The following SMAD5 variants were observed in gnomAD, a reference collection of about 807,000 sequenced individuals.
The protein encoded by SMAD5 is MAD, mothers against decapentaplegic homolog 5.
A neutral mutation model predicts 43.1 loss-of-function variants in SMAD5; 9 were observed. That is an observed-to-expected ratio of 0.21 (90% CI 0.13 to 0.36). The LOEUF (loss-of-function observed/expected upper bound fraction) is 0.36. Ranked by LOEUF, SMAD5 falls within the 10% of genes least tolerant of loss-of-function variation. The pLI is 1.00. For missense variants in SMAD5, 348 were observed against 574.0 expected (o/e 0.61, Z 4.02); for synonymous variants, 190 against 192.4 (o/e 0.99, Z 0.10).
intron 1 of SMAD5, among the ~76,000 whole-genome samples, chr5:136,146,819 T>TA (rs1177108591): frequency 1.3e-5 from 2 of 151,772 alleles, no homozygotes; most frequent in African/African-American, 4.8e-5. Context: ...TTTAGAAACC[T>TA]AGCTGTTAAA....
Position 136,160,902 on chromosome 5 carries a change from A to G in SMAD5, c.450A>G (p.Gln150=). Residue 150 remains glutamine, a synonymous_variant, in exon 4 of 8, where the codon CAA becomes CAG. Transcript: ENST00000545279. ...CTCGTCATAATGAATTCAATCCACA[A>G]CACAGCCTTCTGGTTCAGTTTAGGA... is the stretch of plus-strand genomic sequence containing the variant. The part of the protein sequence containing the change: ...LVPRHNEFNP[Q]HSLLVQFRNL... The G allele has an allele frequency of 6.2e-7, 1 of 1,613,940 alleles. No individual in the cohort carries two copies. Among genetic ancestry groups the G allele is most frequent in the Non-Finnish European group, 8.5e-7 (1 of 1,179,854 alleles).
At chr5:136,176,147 A>G (rs2149782405) in intron 7 of SMAD5, among the ~76,000 whole-genome samples, 1 of 151,704 alleles carries the variant, frequency 6.6e-6, no homozygotes, top group South Asian at 2.1e-4. Flanking sequence ...AAAATAAAAA[A>G]TTTTTCGTTA....
intron 3 of SMAD5, among the ~76,000 whole-genome samples, chr5:136,157,556 C>T (rs1753681128): frequency 6.6e-6 from 1 of 152,176 alleles, no homozygotes; most frequent in Admixed American, 6.5e-5. Flanking sequence ...TAGGTTGTCT[C>T]ATCCAGGCAT....
intron 7 of SMAD5, among the ~76,000 whole-genome samples, chr5:136,176,630 C>G (rs955725308): frequency 2.0e-5 from 3 of 152,004 alleles, no homozygotes; most frequent in Non-Finnish European, 2.9e-5. Context: ...TTATCTTTAA[C>G]ATACCCCAAT....
chr5:136,147,534 T>TA (rs1166633572), intron 1 of SMAD5: 19 of 151,874 alleles, frequency 1.3e-4, no homozygotes, highest in Admixed American at 1.2e-3. Flanking sequence ...TGGTTTGGAA[T>TA]ATGGATTCTG....
At position 136,174,407 on chromosome 5, in the gene SMAD5, G is replaced by C; in HGVS notation, c.1029G>C (p.Val343=). 4 of 1,613,808 alleles carry C rather than the reference G, an allele frequency of 2.5e-6. No homozygotes were observed. Among genetic ancestry groups the C allele is most frequent in the Non-Finnish European group, 3.4e-6 (4 of 1,179,688 alleles). ...GVHLYYVGGE[V]YAECLSDSSI... ...ATCTGTACTATGTTGGTGGAGAGGT[G>C]TATGCGGAATGCCTCAGTGACAGCA... The change falls in exon 7 of 8, where the codon GTG becomes GTC. Residue 343 remains valine (V), a synonymous_variant. Transcript: ENST00000545279.
At chr5:136,134,619 T>A (rs2149755893) in intron 1 of SMAD5, 1 of 152,368 alleles carries the variant, frequency 6.6e-6, no homozygotes, top group Admixed American at 6.5e-5. Context: ...TAACTATTAA[T>A]ATTTTTTTCT....
In SMAD5 at chr5:136,172,535, A is replaced by G. The variant is rs1754264853; in HGVS notation, c.877A>G (p.Ser293Gly). 1 of 1,610,338 alleles carries G rather than the reference A, an allele frequency of 6.2e-7. No individual in the cohort carries two copies. The highest frequency in any genetic ancestry group is 1.3e-5 in the African/African-American group (1 of 74,964). The change falls in exon 6 of 8, where the codon AGT becomes GGT. Residue 293 changes from serine to glycine, a missense_variant. Around this residue, in one of 5 missense-constraint regions of SMAD5, gnomAD observed 185 missense variants for 207.0 expected, o/e 0.89. Transcript: ENST00000545279. ...AGAAGCTTTTCATGCATCTTCTACT[A>G]GTGTGTTAGTAGATGGATTCACAGA... ...VGEAFHASST[S>G]VLVDGFTDPS...
chr5:136,149,482 CTT>C (rs371900186), intron 2 of SMAD5, among the ~76,000 whole-genome samples: 33 of 140,330 alleles, frequency 2.4e-4, no homozygotes, highest in African/African-American at 2.3e-4. Context: ...AACAGTTAAT[CTT>C]TTTTTTTTTT....
chr5:136,169,949 T>A (rs1754156691), intron 5 of SMAD5, among the ~76,000 whole-genome samples: 1 of 152,230 alleles, frequency 6.6e-6, no homozygotes, highest in Non-Finnish European at 1.5e-5. Flanking sequence ...TCTTTTGCCA[T>A]ACTTTAATCA....
Position 136,174,638 on chromosome 5 carries a change from T to C in SMAD5, c.1254+6T>C, listed in dbSNP as rs765838049. ...TTCGGATGAGTTTTGTCAAGGTGAG[T>C]TGTGACCTCTAACATAATTTGAGTC... is the stretch of plus-strand genomic sequence containing the variant. On this transcript the variant is annotated splice_donor_region_variant and intron_variant, in intron 7 of 7. Transcript: ENST00000545279. 5 of 1,598,900 alleles carry C rather than the reference T, an allele frequency of 3.1e-6. No individual in the cohort carries two copies. The East Asian group carries it at 1.1e-4, about 36-fold the overall frequency.
At chr5:136,142,459 T>A (rs1031176812) in intron 1 of SMAD5, among the ~76,000 whole-genome samples, 1 of 152,114 alleles carries the variant, frequency 6.6e-6, no homozygotes, top group African/African-American at 2.4e-5. Context: ...CTGTGTTCAG[T>A]CAGTGGTTGC....
rs751584147 is a variant in SMAD5, at chr5:136,163,337, A to G, written c.721A>G (p.Met241Val). The change falls in exon 5 of 8, where the codon ATG (methionine) becomes GTG (valine). Residue 241 changes from methionine (M) to valine (V), a missense_variant. By Grantham distance (21) the Met-to-Val change is conservative (BLOSUM62 1). Around this residue, in one of 5 missense-constraint regions of SMAD5, gnomAD observed 185 missense variants for 207.0 expected, o/e 0.89. Transcript: ENST00000545279. ...DQMGQDNSQP[M>V]DTSNNMIPQI... ...GATGGGTCAAGATAATTCCCAGCCT[A>G]TGGATACAAGCAATAATATGATTCC... 4.3e-6 allele frequency: 7 copies of G among 1,611,614 alleles called. No homozygotes were observed. The highest frequency in any genetic ancestry group is 1.6e-4 in the Middle Eastern group (1 of 6,080).
chr5:136,142,295 G>A (rs566387534), intron 1 of SMAD5, among the ~76,000 whole-genome samples: 5 of 152,318 alleles, frequency 3.3e-5, no homozygotes, highest in East Asian at 3.9e-4. Flanking sequence ...AGACTTCCCC[G>A]AAGAAGGGAT....
At chr5:136,174,907 T>C (rs986940158) in intron 7 of SMAD5, among the ~76,000 whole-genome samples, 2 of 152,194 alleles carry the variant, frequency 1.3e-5, no homozygotes, top group Non-Finnish European at 1.5e-5. Flanking sequence ...AAAGACTAAA[T>C]TTCTAGAAAG....
intron 5 of SMAD5, among the ~76,000 whole-genome samples, chr5:136,167,963 G>A (rs1754078514): frequency 6.6e-6 from 1 of 151,674 alleles, no homozygotes; most frequent in African/African-American, 2.4e-5. Flanking sequence ...CTCAGCCTCC[G>A]ACTAGCTGGG....
chr5:136,151,106 T>G (rs1753442279), intron 2 of SMAD5, among the ~76,000 whole-genome samples: 1 of 152,030 alleles, frequency 6.6e-6, no homozygotes, highest in Non-Finnish European at 1.5e-5. Flanking sequence ...GGTATATATA[T>G]TTTTACAAAT....
chr5:136,134,455 A>AT (rs775460050), intron 1 of SMAD5: 3 of 152,226 alleles, frequency 2.0e-5, no homozygotes, highest in Non-Finnish European at 4.4e-5. Flanking sequence ...CTAGATGCCA[A>AT]TGCAGTAGTA....
intron 6 of SMAD5, 63 bp from the exon 7 acceptor site, chr5:136,174,313 A>G: frequency 6.7e-7 from 1 of 1,495,876 alleles, no homozygotes; most frequent in Non-Finnish European, 9.3e-7. Context: ...TGCACCATAC[A>G]GTCTATTTGG....
Sources: allele counts gnomAD v4.1 joint callset (sites outside exome capture counted in the v4.1 genomes callset), GRCh38; gene constraint gnomAD v4.1.1; regional missense constraint gnomAD v4.1.1; transcripts MANE v1.5; gene names NCBI Gene and HGNC (gene_info 2026-07-23, HGNC 2026-07-21).